Variants in NOL10 observed in about 807,000 individuals in gnomAD.
The protein encoded by NOL10 is nucleolar protein 10.
In NOL10, 58 loss-of-function variants were observed where a neutral mutation model predicts 103.5. The ratio of observed to expected loss-of-function variants is 0.56; its 90% CI spans 0.45 to 0.70. The LOEUF (loss-of-function observed/expected upper bound fraction) is 0.70. Ranked by LOEUF, NOL10 falls within the 30% of genes least tolerant of loss-of-function variation. The pLI is 0.00. For missense variants in NOL10, 763 were observed against 807.3 expected (o/e 0.95, Z 0.67); for synonymous variants, 287 against 282.5 (o/e 1.02, Z -0.16).
rs570689827 is a variant in NOL10 at position 10,615,738 on chromosome 2, C to A, written c.1027-8427G>T. Among the ~76,000 whole-genome samples the A allele has an allele frequency of 1.3e-4, 20 of 152,196 alleles. No individual in the cohort carries two copies. In the South Asian group the frequency reaches 3.9e-3, roughly 30 times the overall value. On this transcript the variant is annotated intron_variant, in intron 13 of 20. Transcript: ENST00000381685. Reference sequence around the variant, plus strand: ...GATTCCTCTCTCAGAATCCTTGGGACAAGAACTTCAAGGCTCTAAGCATGG... The same window carrying A: ...GATTCCTCTCTCAGAATCCTTGGGAAAAGAACTTCAAGGCTCTAAGCATGG...
intron 19 of NOL10, among the ~76,000 whole-genome samples, chr2:10,578,265 C>T (rs1674558368): frequency 1.3e-5 from 2 of 152,202 alleles, no homozygotes; most frequent in Admixed American, 1.3e-4. Context: ...TCAGTCTTAA[C>T]TCCGTAGACT....
intron 5 of NOL10, chr2:10,673,316 C>T: frequency 2.5e-6 from 1 of 392,938 alleles, no homozygotes. Flanking sequence ...TTAGATTGGC[C>T]AAAGGCTATC....
intron 19 of NOL10, among the ~76,000 whole-genome samples, chr2:10,584,244 G>A (rs1281553983): frequency 5.3e-5 from 8 of 152,138 alleles, no homozygotes; most frequent in Non-Finnish European, 1.0e-4. Flanking sequence ...AGGTACGCAG[G>A]CCATGTCGTT....
intron 12 of NOL10, among the ~76,000 whole-genome samples, chr2:10,645,825 G>C (rs1302501485): frequency 6.6e-6 from 1 of 151,898 alleles, no homozygotes; most frequent in Non-Finnish European, 1.5e-5. Context: ...CACCGCATCT[G>C]GCCTCGATAC....
At chr2:10,595,144 CAGAGAGAGAGAGAGAGAGAG>C (rs77723934) in intron 17 of NOL10, among the ~76,000 whole-genome samples, 1 of 124,146 alleles carries the variant, frequency 8.1e-6, no homozygotes, top group Non-Finnish European at 1.7e-5. Flanking sequence ...GGGGAGGGGG[CAGAGAGAGAGAGAGAGAGAG>C]AGAGAGAGAG....
At chr2:10,584,031 C>T (rs1044171282) in intron 19 of NOL10, among the ~76,000 whole-genome samples, 2 of 152,216 alleles carry the variant, frequency 1.3e-5, no homozygotes, top group Non-Finnish European at 1.5e-5. Context: ...CCTTCAGGCA[C>T]CCCATGCTCT....
chr2:10,658,070 A>AC (rs1431956834), intron 10 of NOL10, among the ~76,000 whole-genome samples, 179 bp from the exon 11 acceptor site: 1 of 152,260 alleles, frequency 6.6e-6, no homozygotes, highest in African/African-American at 2.4e-5. Flanking sequence ...AATAATCCTT[A>AC]GAGTATACAT....
chr2:10,659,856 G>A (rs1428711400), intron 9 of NOL10, among the ~76,000 whole-genome samples: 2 of 152,044 alleles, frequency 1.3e-5, no homozygotes, highest in African/African-American at 2.4e-5. Flanking sequence ...GTTTGGACAT[G>A]GGTACACCAT....
At chr2:10,671,413 T>TC (rs1309991590) in intron 6 of NOL10, 141 bp downstream of exon 6, 2 of 616,740 alleles carry the variant, frequency 3.2e-6, no homozygotes, top group East Asian at 3.8e-5. Flanking sequence ...TCTTTTCTTT[T>TC]TTTTTTTTTT....
At chr2:10,682,471 C>A (rs988776188) in intron 2 of NOL10, among the ~76,000 whole-genome samples, 1 of 150,458 alleles carries the variant, frequency 6.6e-6, no homozygotes, top group Non-Finnish European at 1.5e-5. Context: ...ACAATCATGG[C>A]TCACTGCAGC....
chr2:10,616,541 C>T (rs1676845546), intron 13 of NOL10, among the ~76,000 whole-genome samples: 1 of 114,890 alleles, frequency 8.7e-6, no homozygotes, highest in Non-Finnish European at 1.7e-5. Context: ...TTTAGCACCT[C>T]ATTCTTCATT....
intron 17 of NOL10, among the ~76,000 whole-genome samples, chr2:10,595,487 C>T (rs1487435329): frequency 6.6e-6 from 1 of 151,974 alleles, no homozygotes; most frequent in African/African-American, 2.4e-5. Context: ...TGTAGAGATG[C>T]GGTTTCACCA....
intron 3 of NOL10, among the ~76,000 whole-genome samples, chr2:10,676,843 G>T (rs1251421368): frequency 6.6e-6 from 1 of 151,700 alleles, no homozygotes; most frequent in African/African-American, 2.4e-5. Flanking sequence ...TCACCATGTT[G>T]GTCAGGCTGG....
intron 20 of NOL10, among the ~76,000 whole-genome samples, chr2:10,574,357 G>T (rs1439629423): frequency 6.6e-6 from 1 of 152,070 alleles, no homozygotes; most frequent in African/African-American, 2.4e-5. Context: ...TTTAAAAAGG[G>T]TTTCTTCAGG....
chr2:10,586,514 T>C (rs10199635), intron 19 of NOL10, among the ~76,000 whole-genome samples: 52,035 of 151,834 alleles, frequency 0.34, 9,295 homozygotes, highest in Non-Finnish European at 0.4. Context: ...AAGAACATTA[T>C]AGTTGGCCCT....
intron 20 of NOL10, among the ~76,000 whole-genome samples, chr2:10,576,528 A>C (rs1021903741): frequency 4.6e-5 from 7 of 152,258 alleles, no homozygotes; most frequent in Non-Finnish European, 8.8e-5. Context: ...TTGAGCCATA[A>C]AAAGAAATGC....
At chr2:10,587,837 C>A (rs1477879412) in intron 19 of NOL10, among the ~76,000 whole-genome samples, 1 of 152,204 alleles carries the variant, frequency 6.6e-6, no homozygotes, top group Non-Finnish European at 1.5e-5. Context: ...CCTCCCCACC[C>A]TTTTCCTCCT....
chr2:10,588,423 C>T (rs894756335), intron 19 of NOL10, among the ~76,000 whole-genome samples: 1 of 152,152 alleles, frequency 6.6e-6, no homozygotes, highest in Non-Finnish European at 1.5e-5. Flanking sequence ...ACATATTTGC[C>T]TATTCTAGAA....
intron 11 of NOL10, among the ~76,000 whole-genome samples, chr2:10,655,450 C>A (rs1263121290): frequency 6.6e-6 from 1 of 152,066 alleles, no homozygotes; most frequent in African/African-American, 2.4e-5. Context: ...TGAAATCCTA[C>A]AAATACTTAA....
Sources: gnomAD v4.1 joint callset for allele counts (sites outside exome capture counted in the v4.1 genomes callset) on GRCh38, gnomAD v4.1.1 for gene constraint, MANE v1.5 for transcripts, NCBI Gene and HGNC (gene_info 2026-07-23, HGNC 2026-07-21) for gene names.